Variants in RP1 observed in about 807,000 individuals in gnomAD.
RP1 encodes oxygen-regulated protein 1.
RP1 carries 16 observed loss-of-function variants against 14.8 expected under a neutral mutation model. The ratio of observed to expected loss-of-function variants is 1.08; its 90% CI spans 0.73 to 1.65. RP1 has a LOEUF of 1.65. Ranked by LOEUF, RP1 falls within the 40% of genes most tolerant of loss-of-function variation. The probability of loss-of-function intolerance (pLI) is 0.00; values close to 1 mark genes in which losing one functional copy is unlikely to be tolerated. For missense variants in RP1, 2,631 were observed against 2,535.0 expected, an observed-to-expected ratio of 1.04 and a Z score of -0.81; for synonymous variants, 876 against 883.6, an observed-to-expected ratio of 0.99 and a Z score of 0.15.
intron 12 of RP1, among the ~76,000 whole-genome samples, chr8:54,689,549 C>G (rs1807659221): frequency 6.6e-6 from 1 of 152,084 alleles, no homozygotes; most frequent in Admixed American, 6.6e-5. Context: ...ATAAATATTG[C>G]CACATCTCTT....
chr8:54,844,037 GCTCATGGC>G (rs1239903496), intron 25 of RP1, among the ~76,000 whole-genome samples: 5 of 152,198 alleles, frequency 3.3e-5, no homozygotes, highest in African/African-American at 4.8e-5. Context: ...TCAGTGAGAA[GCTCATGGC>G]CTTTTAGCCT....
In RP1 at chr8:54,679,379, T is replaced by C. The variant is rs377041454; in HGVS notation, c.1479-41T>C. ...GATAATTGCCAATGGTTAATGTAAA[T>C]ATAAAGTCTGAAAATAATCGATACA... On this transcript the variant is annotated intron_variant, in intron 9 of 22. Transcript: ENST00000636932. 13 of 1,489,308 alleles carry C rather than the reference T, an allele frequency of 8.7e-6. No individual in the cohort carries two copies. The African/African-American group carries it at 1.1e-4, about 13-fold the overall frequency. 92.3% of individuals were successfully genotyped at this position (1,489,308 alleles called of 1,614,324 possible).
chr8:54,823,052 C>T (rs1432928452), intron 24 of RP1, among the ~76,000 whole-genome samples: 3 of 152,092 alleles, frequency 2.0e-5, no homozygotes, highest in African/African-American at 7.2e-5. Context: ...AGCCTTAGTA[C>T]AATGTGTGTG....
intron 1 of RP1, among the ~76,000 whole-genome samples, chr8:54,570,448 C>G (rs151014151): frequency 1.5e-3 from 233 of 151,820 alleles, no homozygotes; most frequent in African/African-American, 5.3e-3. Flanking sequence ...CCAGCCTCAG[C>G]CTCCTGAGTA....
chr8:54,849,222 T>G (rs1031826636), intron 25 of RP1, among the ~76,000 whole-genome samples: 3 of 152,020 alleles, frequency 2.0e-5, no homozygotes, highest in Admixed American at 6.5e-5. Context: ...TGCATTCTTA[T>G]ATAAATTAAA....
At chr8:54,820,288 CT>C (rs1417007254) in intron 24 of RP1, among the ~76,000 whole-genome samples, 3 of 152,086 alleles carry the variant, frequency 2.0e-5, no homozygotes, top group Non-Finnish European at 4.4e-5. Context: ...GCCACTCCAG[CT>C]TGTGTTGCAC....
intron 15 of RP1, among the ~76,000 whole-genome samples, chr8:54,712,405 G>A (rs1049205411): frequency 2.6e-5 from 4 of 152,152 alleles, no homozygotes; most frequent in African/African-American, 9.7e-5. Context: ...GTCCAGAGCT[G>A]TGGTGTCCTA....
intron 3 of RP1, among the ~76,000 whole-genome samples, chr8:54,645,954 A>G (rs929407754): frequency 6.6e-6 from 1 of 152,146 alleles, no homozygotes; most frequent in African/African-American, 2.4e-5. Context: ...AATTGTTTAT[A>G]TAAAGAAAAA....
At chr8:54,696,835 G>T (rs1456949492) in intron 12 of RP1, 6 of 744,776 alleles carry the variant, frequency 8.1e-6, no homozygotes, top group Non-Finnish European at 1.5e-5. Flanking sequence ...CAAATCTGAA[G>T]TCTGTCCAGT....
chr8:54,606,322 G>A (rs1175834157), intron 1 of RP1, among the ~76,000 whole-genome samples: 1 of 152,106 alleles, frequency 6.6e-6, no homozygotes, highest in East Asian at 1.9e-4. Context: ...GGCTTGATAT[G>A]AAATTCTGAG....
chr8:54,625,565 A>C lies in RP1; in HGVS notation c.1683A>C (p.Ser561=), dbSNP rs1399586680. ...EITSQKMLEM[S]HNNGLPSTIS... is the part of the protein sequence containing the mutation. ...CAAGTCAGAAGATGTTAGAGATGTC[A>C]CATAATAATGGTTTGCCATCAACTA... Residue 561 remains serine (S), a synonymous_variant, in exon 4 of 4, where the codon TCA becomes TCC. Coordinates refer to ENST00000220676, the MANE Select transcript of RP1 (RefSeq NM_006269.2). The C allele has an allele frequency of 1.2e-6, 2 of 1,614,096 alleles. No homozygotes were observed. Among genetic ancestry groups the C allele is most frequent in the South Asian group, 2.2e-5 (2 of 91,078 alleles).
At chr8:54,642,157 A>C (rs1806464988) in intron 3 of RP1, among the ~76,000 whole-genome samples, 1 of 152,182 alleles carries the variant, frequency 6.6e-6, no homozygotes, top group African/African-American at 2.4e-5. Context: ...TAGGAACTCT[A>C]AATATAAAAT....
intron 1 of RP1, among the ~76,000 whole-genome samples, chr8:54,618,894 C>T (rs562623134): frequency 8.4e-4 from 128 of 152,316 alleles, no homozygotes; most frequent in African/African-American, 2.9e-3. Context: ...CTCCTAACCT[C>T]GGGTGATCTA....
At chr8:54,741,877 T>C (rs1809107830) in intron 19 of RP1, among the ~76,000 whole-genome samples, 1 of 151,020 alleles carries the variant, frequency 6.6e-6, no homozygotes. Flanking sequence ...TAATAATGAG[T>C]ATTTGTTGAG....
intron 16 of RP1, among the ~76,000 whole-genome samples, chr8:54,720,799 C>A (rs571956113): frequency 6.6e-6 from 1 of 152,194 alleles, no homozygotes; most frequent in Non-Finnish European, 1.5e-5. Flanking sequence ...TGGTTTCTCT[C>A]ATATCTAAGT....
intron 27 of RP1, among the ~76,000 whole-genome samples, chr8:54,858,423 T>G (rs926712876): frequency 2.0e-5 from 3 of 152,036 alleles, no homozygotes; most frequent in Admixed American, 2.0e-4. Context: ...TAGAGTGATG[T>G]TACTGCAGAG....
intron 17 of RP1, among the ~76,000 whole-genome samples, chr8:54,730,181 A>G (rs931464713): frequency 2.0e-5 from 3 of 152,054 alleles, no homozygotes; most frequent in Admixed American, 6.6e-5. Flanking sequence ...CAGAAAAACT[A>G]CCCATAAATT....
At chr8:54,617,163 G>T (rs981214377) in intron 1 of RP1, among the ~76,000 whole-genome samples, 1 of 152,180 alleles carries the variant, frequency 6.6e-6, no homozygotes, top group African/African-American at 2.4e-5. Flanking sequence ...CTACATATAA[G>T]GAAGTCACTG....
At chr8:54,560,218 T>G (rs766825757) in intron 1 of RP1, 1 of 151,598 alleles carries the variant, frequency 6.6e-6, no homozygotes, top group Non-Finnish European at 1.5e-5. Flanking sequence ...CCCCCAGGAG[T>G]TTTGGGGATG....
Sources: allele counts gnomAD v4.1 joint callset (sites outside exome capture counted in the v4.1 genomes callset), GRCh38; gene constraint gnomAD v4.1.1; transcripts MANE v1.5; gene names NCBI Gene and HGNC (gene_info 2026-07-23, HGNC 2026-07-21).